The following CSMD2 variants were observed in gnomAD, a reference collection of about 807,000 sequenced individuals.
CSMD2 encodes CUB and Sushi multiple domains 2.
Under a neutral mutation model 398.5 loss-of-function variants are expected in CSMD2, and 130 were observed. The observed-to-expected ratio is 0.33, with a 90% CI of 0.28 to 0.38. The LOEUF is 0.38. CSMD2 is among the 10% of genes least tolerant of loss of function. CSMD2 has a pLI of 1.00. For missense variants in CSMD2, 3,829 were observed against 4,764.9 expected (o/e 0.80, Z 5.78); for synonymous variants, 1,828 against 1,908.5 (o/e 0.96, Z 1.10).
chr1:34,145,904 C>T (rs565048729), intron 1 of CSMD2, among the ~76,000 whole-genome samples: 1 of 152,266 alleles, frequency 6.6e-6, no homozygotes, highest in South Asian at 2.1e-4. Context: ...GACACTGAGG[C>T]TTCTCGAGAG....
At chr1:33,925,679 T>C (rs1167835274) in intron 4 of CSMD2, among the ~76,000 whole-genome samples, 5 of 152,134 alleles carry the variant, frequency 3.3e-5, no homozygotes, top group South Asian at 4.1e-4. Flanking sequence ...CGGGAAACCA[T>C]GGGCCTGATT....
At chr1:33,681,797 C>A (rs1644915736) in intron 25 of CSMD2, among the ~76,000 whole-genome samples, 1 of 152,128 alleles carries the variant, frequency 6.6e-6, no homozygotes, top group Non-Finnish European at 1.5e-5. Context: ...GAAACCCTGT[C>A]TCTACTAAAA....
chr1:34,137,175 C>T (rs1430090651), intron 1 of CSMD2, among the ~76,000 whole-genome samples: 1 of 152,126 alleles, frequency 6.6e-6, no homozygotes, highest in Non-Finnish European at 1.5e-5. Flanking sequence ...CTATCCATCC[C>T]ATCCATCCGT....
At chr1:33,945,275 C>T (rs544343051) in intron 3 of CSMD2, among the ~76,000 whole-genome samples, 2 of 151,940 alleles carry the variant, frequency 1.3e-5, no homozygotes, top group Non-Finnish European at 1.5e-5. Context: ...TAAGGATATC[C>T]CTTGGGATAT....
At chr1:34,130,505 C>T (rs1168948731) in intron 1 of CSMD2, among the ~76,000 whole-genome samples, 5 of 151,242 alleles carry the variant, frequency 3.3e-5, no homozygotes, top group African/African-American at 1.2e-4. Flanking sequence ...GGTAGACTGG[C>T]AGTCAAGGCC....
rs1451775757 is a variant in CSMD2 at position 33,724,715 on chromosome 1, G to A, written c.2696-11C>T. 7 of 1,612,862 alleles carry A rather than the reference G, an allele frequency of 4.3e-6. No individual in the cohort carries two copies. The highest frequency in any genetic ancestry group is 1.1e-5 in the South Asian group (1 of 90,872). On this transcript the variant is annotated splice_polypyrimidine_tract_variant and intron_variant, in intron 17 of 70. Coordinates refer to ENST00000373381, the MANE Select transcript of CSMD2 (RefSeq NM_001281956.2). ...ACTGCAGTGTTATAGCTGAAAGAGA[G>A]AGGCCACAGCTGGGACAGACAGCTT...
chr1:33,622,154 C>G lies in CSMD2; in HGVS notation c.5827+13G>C, dbSNP rs778896350. The G allele has an allele frequency of 6.3e-7, 1 of 1,598,856 alleles. No homozygotes were observed. The highest frequency in any genetic ancestry group is 1.3e-5 in the African/African-American group (1 of 74,732). ...CCCTGAACCCTGTACCAGCCAAGACCCTGGATTCTCACTTTTGTACTCCAA... is the reference window on the plus strand; with the variant it reads ...CCCTGAACCCTGTACCAGCCAAGACGCTGGATTCTCACTTTTGTACTCCAA... On this transcript the variant is annotated intron_variant, in intron 37 of 70. Transcript: ENST00000373381.
chr1:34,090,587 T>C (rs1375655734), intron 1 of CSMD2, among the ~76,000 whole-genome samples: 4 of 151,886 alleles, frequency 2.6e-5, no homozygotes, highest in Non-Finnish European at 4.4e-5. Flanking sequence ...CATCTCTTTA[T>C]CTAAGTAAGG....
intron 1 of CSMD2, among the ~76,000 whole-genome samples, chr1:34,104,253 A>G (rs755168342): frequency 1.3e-5 from 2 of 152,162 alleles, no homozygotes; most frequent in Non-Finnish European, 2.9e-5. Flanking sequence ...ATTTTTATAC[A>G]TTCATCTCAC....
rs1642845255 is a variant in CSMD2 at position 33,636,979 on chromosome 1, T to C, written c.4775-425A>G. 6.6e-6 allele frequency among the ~76,000 whole-genome samples: 1 copy of C among 152,214 alleles called. No individual in the cohort carries two copies. The highest frequency in any genetic ancestry group is 1.5e-5 in the Non-Finnish European group (1 of 68,036). On this transcript the variant is annotated intron_variant, in intron 29 of 70. Transcript: ENST00000373381. The surrounding 1 kb of genome is among the most constrained non-coding windows in gnomAD (Gnocchi z 4.8). ...GCTTAGGTACAGCCCATCACTTTAC[T>C]CATCTTTGACCCCCCACACTCAGCA...
chr1:33,632,043 TAAA>T (rs1456373254), intron 32 of CSMD2, among the ~76,000 whole-genome samples: 1 of 152,068 alleles, frequency 6.6e-6, no homozygotes, highest in Non-Finnish European at 1.5e-5. Context: ...AGACCCTTCA[TAAA>T]AATTTAGTAT....
At chr1:34,048,502 AC>A (rs1376515856) in intron 2 of CSMD2, among the ~76,000 whole-genome samples, 22 of 152,050 alleles carry the variant, frequency 1.4e-4, no homozygotes, top group Non-Finnish European at 4.4e-5. Flanking sequence ...GTGCCCACCT[AC>A]CCCCTCGGAC....
intron 25 of CSMD2, among the ~76,000 whole-genome samples, chr1:33,674,588 C>G (rs1360679868): frequency 1.3e-5 from 2 of 152,220 alleles, no homozygotes; most frequent in Non-Finnish European, 2.9e-5. Context: ...GAATTGAACT[C>G]AGCTCTGCAC....
chr1:33,592,028 T>A (rs1166499639), intron 44 of CSMD2: 2 of 232,650 alleles, frequency 8.6e-6, no homozygotes, highest in South Asian at 6.1e-5. Flanking sequence ...GTAGGATTGC[T>A]GGGTCCTAGG....
Position 33,559,449 on chromosome 1 carries a change from T to C in CSMD2, c.8405A>G (p.Asn2802Ser). The C allele has an allele frequency of 6.5e-7, 1 of 1,536,122 alleles. No homozygotes were observed. Among genetic ancestry groups the C allele is most frequent in the Non-Finnish European group, 8.7e-7 (1 of 1,146,898 alleles). Residue 2802 changes from asparagine (N) to serine (S), a missense_variant, in exon 54 of 71, where the codon AAC becomes AGC. Transcript: ENST00000373381. This position sits in a 1 kb window ranked among gnomAD's most constrained non-coding sequence, Gnocchi z 4.0. ...CVPITCGHPG[N>S]PVNGLTQGNQ... The stretch of plus-strand genomic sequence containing the variant: ...ACCCTGAGTGAGGCCGTTGACAGGG[T>C]TGCCTGGGTGTCCACAGGTAATTGC...
At chr1:33,940,520 T>C (rs560264215) in intron 3 of CSMD2, among the ~76,000 whole-genome samples, 2 of 152,000 alleles carry the variant, frequency 1.3e-5, no homozygotes, top group African/African-American at 2.4e-5. Flanking sequence ...CCAGGCACTT[T>C]ATCTTGTGGG....
In CSMD2 at chr1:34,164,903, G is replaced by A; in HGVS notation, c.187+8C>T. On this transcript the variant is annotated splice_region_variant and intron_variant, in intron 1 of 70. Transcript: ENST00000373381. This position sits in a 1 kb window ranked among gnomAD's most constrained non-coding sequence, Gnocchi z 6.2. The stretch of plus-strand genomic sequence containing the variant: ...CGGCCGCTGGCTCCTCGGCGCGGCT[G>A]GACTCACCCGCGGCGGCCGAGACGC... The A allele has an allele frequency of 8.2e-7, 1 of 1,219,412 alleles. No individual in the cohort carries two copies. The highest frequency in any genetic ancestry group is 1.0e-6 in the Non-Finnish European group (1 of 980,152). The allele number at this position is 1,219,412 out of a possible 1,614,324, so 75.5% of individuals were successfully genotyped here. A position where few individuals can be genotyped will look rare whatever the true frequency, so the allele number is the denominator to read the frequency against.
At chr1:33,907,279 C>A (rs1309543594) in intron 5 of CSMD2, among the ~76,000 whole-genome samples, 2 of 151,074 alleles carry the variant, frequency 1.3e-5, no homozygotes, top group East Asian at 3.9e-4. Context: ...CCACCACGCC[C>A]AGCTAATTTT....
At chr1:34,096,505 G>C (rs1659324854) in intron 1 of CSMD2, among the ~76,000 whole-genome samples, 1 of 147,976 alleles carries the variant, frequency 6.8e-6, no homozygotes, top group South Asian at 2.2e-4. Flanking sequence ...TGTATATCTA[G>C]AAAACCCCAT....
Sources: allele counts gnomAD v4.1 joint callset (sites outside exome capture counted in the v4.1 genomes callset), GRCh38; gene constraint gnomAD v4.1.1; non-coding constraint Gnocchi (gnomAD v3.1); transcripts MANE v1.5; gene names NCBI Gene and HGNC (gene_info 2026-07-23, HGNC 2026-07-21).